The following CATSPER1 variants were observed in gnomAD, a reference collection of about 807,000 sequenced individuals.
CATSPER1 encodes cation channel sperm-associated protein 1.
CATSPER1 carries 57 observed loss-of-function variants against 72.7 expected under a neutral mutation model. The observed-to-expected ratio is 0.78, with a 90% CI of 0.63 to 0.98. The LOEUF is 0.98. Among genes scored for constraint, CATSPER1 ranks in the 50% least tolerant of loss-of-function variants. CATSPER1 has a pLI of 0.00. For synonymous variants in CATSPER1, 363 were observed against 403.0 expected (o/e 0.90, Z 1.19); for missense variants, 910 against 1,033.9 (o/e 0.88, Z 1.64).
rs546845397 is a variant in CATSPER1, at chr11:66,016,925, G to C, written c.2317-9C>G. The C allele has an allele frequency of 3.1e-6, 5 of 1,613,988 alleles. No homozygotes were observed. The highest frequency in any genetic ancestry group is 1.6e-4 in the Middle Eastern group (1 of 6,084). Reference sequence around the variant, plus strand: ...AAGTCCTCTTCTCCAGCCTGCAGGGGTGAGTGGGGCACTGGTGGGTGAATG... The same window carrying C: ...AAGTCCTCTTCTCCAGCCTGCAGGGCTGAGTGGGGCACTGGTGGGTGAATG... On this transcript the variant is annotated splice_polypyrimidine_tract_variant and intron_variant, in intron 11 of 11. Transcript: ENST00000312106.
intron 2 of CATSPER1, 113 bp from the exon 3 acceptor site, chr11:66,021,992 A>G (rs562282604): frequency 1.8e-5 from 15 of 826,588 alleles, no homozygotes; most frequent in African/African-American, 1.5e-4. Flanking sequence ...GGCTCTGCGT[A>G]AGCAGCTGCG....
At chr11:66,022,276 G>C (rs1856390909) in intron 2 of CATSPER1, among the ~76,000 whole-genome samples, 1 of 152,170 alleles carries the variant, frequency 6.6e-6, no homozygotes, top group Admixed American at 6.5e-5. Flanking sequence ...GGAGGCGGAG[G>C]TTGCAGTGAG....
rs1192012532 is a variant in CATSPER1 at position 66,016,844 on chromosome 11, G to A, written c.*46C>T. The A allele has an allele frequency of 1.3e-6, 2 of 1,599,908 alleles. No individual in the cohort carries two copies. On this transcript the variant is annotated 3_prime_UTR_variant, in exon 12 of 12. Coordinates refer to ENST00000312106, the MANE Select transcript of CATSPER1 (RefSeq NM_053054.4). ...GGACCCGTCCCAGTGCACCCAGGTGGGCAGACTGCCAGGGGCTGAAGTCTG... is the reference window on the plus strand; with the variant it reads ...GGACCCGTCCCAGTGCACCCAGGTGAGCAGACTGCCAGGGGCTGAAGTCTG...
Position 66,021,543 on chromosome 11 carries a change from G to C in CATSPER1, c.1644C>G (p.Phe548Leu), listed in dbSNP as rs769374210. 6.2e-7 allele frequency: 1 copy of C among 1,613,892 alleles called. No homozygotes were observed. Among genetic ancestry groups the C allele is most frequent in the South Asian group, 1.1e-5 (1 of 91,022 alleles). ...TTGCCCTCAGGGCCCGCAGGCTCTT[G>C]AAGACCTTGAGGATCCGGAAGAGGC... Reference protein sequence around the residue: ...HQSLFRILKVFKSLRALRAIR... With the variant: ...HQSLFRILKVLKSLRALRAIR... Residue 548 changes from phenylalanine to leucine, a missense_variant, in exon 4 of 12, where the codon TTC becomes TTG. Physicochemically the swap from Phe to Leu is conservative, Grantham distance 22. Transcript: ENST00000312106.
chr11:66,017,186 C>T lies in CATSPER1; in HGVS notation c.2202-12G>A, dbSNP rs758701254. The T allele has an allele frequency of 1.2e-4, 30 of 260,854 alleles. 2 individuals are homozygous for T. Among genetic ancestry groups the T allele is most frequent in the African/African-American group, 2.7e-4 (4 of 14,794 alleles). The allele number at this position is 260,854 out of a possible 1,614,324, so 16.2% of individuals were successfully genotyped here. On this transcript the variant is annotated splice_polypyrimidine_tract_variant and intron_variant, in intron 10 of 11. Coordinates refer to ENST00000312106, the MANE Select transcript of CATSPER1 (RefSeq NM_053054.4). ...GGAGCTCCTGCTGCCTGCGGGTGGGCGGGGGGGTCGCAGAGACAGGGGCTG... is the reference window on the plus strand; with the variant it reads ...GGAGCTCCTGCTGCCTGCGGGTGGGTGGGGGGGTCGCAGAGACAGGGGCTG...
At chr11:66,024,190 T>C (rs1208900917) in intron 1 of CATSPER1, among the ~76,000 whole-genome samples, 3 of 151,346 alleles carry the variant, frequency 2.0e-5, no homozygotes, top group South Asian at 4.2e-4. Flanking sequence ...GGTCTCCAAC[T>C]CCTGACCTCA....
At chr11:66,017,005 C>G (rs1856251071) in intron 11 of CATSPER1, 55 bp downstream of exon 11, 1 of 1,612,778 alleles carries the variant, frequency 6.2e-7, no homozygotes, top group Non-Finnish European at 8.5e-7. Context: ...CCATTTCTGG[C>G]TACAAGCCCC....
rs1370915864 is a variant in CATSPER1, at chr11:66,025,720, A to G, written c.660T>C (p.His220=). 1.2e-6 allele frequency: 2 copies of G among 1,613,110 alleles called. No individual in the cohort carries two copies. The highest frequency in any genetic ancestry group is 1.1e-5 in the South Asian group (1 of 90,990). Residue 220 remains histidine (H), a synonymous_variant, in exon 1 of 12, where the codon CAT becomes CAC. Transcript: ENST00000312106. The part of the protein sequence containing the change: ...HQVPHRGWPH[H]HQVHHHGRSR... ...ACCTGCCATGGTGGTGGACTTGGTG[A>G]TGGTGGGGCCAGCCACGGTGGGGGA...
At position 66,025,918 on chromosome 11, in the gene CATSPER1, A is replaced by T. The variant is rs768257889; in HGVS notation, c.462T>A (p.Tyr154Ter). ...HRGSHHGRPQ[Y>*]LGENLSHYSS... Reference sequence around the variant, plus strand: ...AATAGTGGGATAAATTCTCACCGAGATATTGGGGTCTGCCATGGTGAGACC... The same window carrying T: ...AATAGTGGGATAAATTCTCACCGAGTTATTGGGGTCTGCCATGGTGAGACC... The change falls in exon 1 of 12, where the codon TAT (tyrosine) becomes TAA (stop). Residue 154 changes from tyrosine (Y) to a stop codon, truncating the protein, a stop_gained. Transcript: ENST00000312106. LOFTEE classifies it high-confidence loss of function. 1.9e-6 allele frequency: 3 copies of T among 1,612,794 alleles called. No homozygotes were observed. The South Asian group carries it at 3.3e-5, about 18-fold the overall frequency.
At chr11:66,017,224 G>A in intron 10 of CATSPER1, 50 bp from the exon 11 acceptor site, 1 of 1,438,448 alleles carries the variant, frequency 7.0e-7, no homozygotes. Context: ...CTGACCTGCT[G>A]GCTGGGCCTA....
intron 1 of CATSPER1, among the ~76,000 whole-genome samples, chr11:66,023,570 A>G (rs191586006): frequency 6.6e-6 from 1 of 151,842 alleles, no homozygotes; most frequent in East Asian, 2.0e-4. Context: ...TGTGGCCAGA[A>G]GCAATGGCTC....
At position 66,026,047 on chromosome 11, in the gene CATSPER1, G is replaced by C. The variant is rs575875557; in HGVS notation, c.333C>G (p.Tyr111Ter). Residue 111 changes from tyrosine (Y) to a stop codon, truncating the protein, a stop_gained, in exon 1 of 12, where the codon TAC becomes TAG. Coordinates refer to ENST00000312106, the MANE Select transcript of CATSPER1 (RefSeq NM_053054.4). LOFTEE classifies it high-confidence loss of function. ...GGAGCTCATCATGGTAGTCCTCACC[G>C]TAGGAACGGTGGGAGGGGACGGCGC... ...SQGAVPSHRSYGEDYHDELQR... is the reference protein window; with the variant it reads ...SQGAVPSHRS The C allele has an allele frequency of 2.5e-6, 4 of 1,613,956 alleles. No individual in the cohort carries two copies. The highest frequency in any genetic ancestry group is 3.4e-6 in the Non-Finnish European group (4 of 1,180,006).
chr11:66,024,908 T>C (rs867465242), intron 1 of CATSPER1, among the ~76,000 whole-genome samples: 19 of 152,166 alleles, frequency 1.2e-4, no homozygotes, highest in South Asian at 2.1e-4. Flanking sequence ...TGGATGAGTA[T>C]CAATGTTTGA....
At chr11:66,024,969 A>G (rs904548266) in intron 1 of CATSPER1, among the ~76,000 whole-genome samples, 195 bp downstream of exon 1, 5 of 152,206 alleles carry the variant, frequency 3.3e-5, no homozygotes, top group African/African-American at 4.8e-5. Flanking sequence ...CAAACACCTC[A>G]TGGCCTAAAG....
At position 66,025,895 on chromosome 11, in the gene CATSPER1, T is replaced by C. The variant is rs1856492560; in HGVS notation, c.485A>G (p.Tyr162Cys). Reference protein sequence around the residue: ...PQYLGENLSHYSSGVPHHGEA... With the variant: ...PQYLGENLSHCSSGVPHHGEA... The stretch of plus-strand genomic sequence containing the variant: ...ACCGTGGTGGGGCACGCCAGAGGAA[T>C]AGTGGGATAAATTCTCACCGAGATA... The change falls in exon 1 of 12, where the codon TAT becomes TGT. Residue 162 changes from tyrosine (Y) to cysteine (C), a missense_variant. Transcript: ENST00000312106. 6.2e-7 allele frequency: 1 copy of C among 1,613,274 alleles called. No homozygotes were observed. Among genetic ancestry groups the C allele is most frequent in the East Asian group, 2.2e-5 (1 of 44,802 alleles).
Position 66,020,885 on chromosome 11 carries a change from G to A in CATSPER1, c.1853C>T (p.Thr618Ile), listed in dbSNP as rs1856351001. Residue 618 changes from threonine (T) to isoleucine (I), a missense_variant, in exon 6 of 12, where the codon ACC (threonine) becomes ATC (isoleucine). By Grantham distance (89) the Thr-to-Ile change is moderately conservative. Coordinates refer to ENST00000312106, the MANE Select transcript of CATSPER1 (RefSeq NM_053054.4). The surrounding 1 kb of genome is among the most constrained non-coding windows in gnomAD (Gnocchi z 4.5). ...SDPKRFQNIF[T>I]TIFTLFTLLT... is the part of the protein sequence containing the mutation. ...CAAGGTGAAGAGGGTGAAGATGGTG[G>A]TGAAGATGTTCTGGAAGCGCTTGGG... 1.2e-6 allele frequency: 2 copies of A among 1,614,060 alleles called. No individual in the cohort carries two copies. Among genetic ancestry groups the A allele is most frequent in the East Asian group, 2.2e-5 (1 of 44,882 alleles).
intron 4 of CATSPER1, 86 bp from the exon 5 acceptor site, chr11:66,021,271 G>A: frequency 7.2e-7 from 1 of 1,381,348 alleles, no homozygotes. Context: ...GGCGCTGAAG[G>A]CAGGAGGCTC....
chr11:66,017,187 G>T lies in CATSPER1; in HGVS notation c.2202-13C>A, dbSNP rs375479637. 1.3e-5 allele frequency: 18 copies of T among 1,425,098 alleles called. 1 individual carries two copies. Among genetic ancestry groups the T allele is most frequent in the East Asian group, 2.4e-5 (1 of 41,036 alleles). 88.3% of individuals were successfully genotyped at this position (1,425,098 alleles called of 1,614,324 possible). A position where few individuals can be genotyped will look rare whatever the true frequency, so the allele number is the denominator to read the frequency against. On this transcript the variant is annotated splice_polypyrimidine_tract_variant and intron_variant, in intron 10 of 11. Coordinates refer to ENST00000312106, the MANE Select transcript of CATSPER1 (RefSeq NM_053054.4). ...GAGCTCCTGCTGCCTGCGGGTGGGC[G>T]GGGGGGTCGCAGAGACAGGGGCTGG...
intron 1 of CATSPER1, 123 bp from the exon 2 acceptor site, chr11:66,023,184 G>T: frequency 1.0e-6 from 1 of 968,614 alleles, no homozygotes; most frequent in Non-Finnish European, 1.6e-6. Context: ...CTGCCTCCCG[G>T]GTTCAAGCAA....
Sources: gnomAD v4.1 joint callset for allele counts (sites outside exome capture counted in the v4.1 genomes callset) on GRCh38, gnomAD v4.1.1 for gene constraint, Gnocchi (gnomAD v3.1) non-coding constraint, MANE v1.5 for transcripts, NCBI Gene and HGNC (gene_info 2026-07-23, HGNC 2026-07-21) for gene names.